The following TAAR5 variants were observed in gnomAD, a reference collection of about 807,000 sequenced individuals.
TAAR5 encodes the protein trace amine-associated receptor 5.
A neutral mutation model predicts 21.1 loss-of-function variants in TAAR5; 27 were observed. That is an observed-to-expected ratio of 1.28 (90% CI 0.94 to 1.76). The LOEUF is 1.76. Ranked by LOEUF, TAAR5 falls within the 40% of genes most tolerant of loss-of-function variation. TAAR5 has a pLI of 0.00. For synonymous variants in TAAR5, 203 were observed against 167.5 expected (o/e 1.21, Z -1.64); for missense variants, 495 against 405.6 (o/e 1.22, Z -1.89).
rs1582726574 is a variant in TAAR5 at position 132,589,609 on chromosome 6, C to T, written c.78G>A (p.Arg26=). 1 of 1,613,864 alleles carries T rather than the reference C, an allele frequency of 6.2e-7. No homozygotes were observed. The highest frequency in any genetic ancestry group is 8.5e-7 in the Non-Finnish European group (1 of 1,179,904). ...ACTGGATGCCCAGAGTATGTACTGT[C>T]CTGGGGCAAGACCCATTCACCTGGT... is the stretch of plus-strand genomic sequence containing the variant. ...FCYQVNGSCP[R]TVHTLGIQLV... The change falls in exon 1 of 1, where the codon AGG becomes AGA. Residue 26 remains arginine, a synonymous_variant. Coordinates refer to ENST00000258034, the MANE Select transcript of TAAR5 (RefSeq NM_003967.3).
chr6:132,589,247 G>T lies in TAAR5; in HGVS notation c.440C>A (p.Thr147Lys), dbSNP rs1173644623. 21 of 1,607,874 alleles carry T rather than the reference G, an allele frequency of 1.3e-5. No individual in the cohort carries two copies. Among genetic ancestry groups the T allele is most frequent in the Non-Finnish European group, 1.8e-5 (21 of 1,176,792 alleles). ...CDPLLYPSKF[T>K]VRVALRYILA... Reference sequence around the variant, plus strand: ...GATGTACCTGAGAGCCACCCTCACTGTGAACTTGGAGGGATAGAGCAGGGG... The same window carrying T: ...GATGTACCTGAGAGCCACCCTCACTTTGAACTTGGAGGGATAGAGCAGGGG... Residue 147 changes from threonine to lysine, a missense_variant, in exon 1 of 1, where the codon ACA becomes AAA. By Grantham distance (78) the Thr-to-Lys change is moderately conservative. Coordinates refer to ENST00000258034, the MANE Select transcript of TAAR5 (RefSeq NM_003967.3).
upstream of TAAR5, among the ~76,000 whole-genome samples, chr6:132,594,056 C>T (rs368002209): frequency 6.6e-6 from 1 of 152,168 alleles, no homozygotes; most frequent in African/African-American, 2.4e-5. Context: ...ACCAACTTTG[C>T]TTTTGCATCT....
the TAAR5 span, among the ~76,000 whole-genome samples, chr6:132,604,424 T>C: frequency 1.3e-5 from 2 of 152,164 alleles, no homozygotes; most frequent in African/African-American, 4.8e-5. Flanking sequence ...ATTACAGGCA[T>C]GCGTCACTGT....
upstream of TAAR5, among the ~76,000 whole-genome samples, chr6:132,593,243 C>T (rs1447510547): frequency 6.6e-6 from 1 of 152,122 alleles, no homozygotes; most frequent in Non-Finnish European, 1.5e-5. Context: ...CTCTCATGGC[C>T]TCTTGTGCCT....
At chr6:132,598,728 C>T in the TAAR5 span, among the ~76,000 whole-genome samples, 1 of 152,026 alleles carries the variant, frequency 6.6e-6, no homozygotes, top group Non-Finnish European at 1.5e-5. Flanking sequence ...AGTTAAGTCA[C>T]CAGAGAAATG....
At chr6:132,594,669 T>C (rs2114581553), upstream of TAAR5, 1 of 152,266 alleles carries the variant, frequency 6.6e-6, no homozygotes, top group South Asian at 2.1e-4. Context: ...GTGGCCTTGC[T>C]TTCTGTTTTA....
chr6:132,598,004 G>T, the TAAR5 span, among the ~76,000 whole-genome samples: 1 of 152,168 alleles, frequency 6.6e-6, no homozygotes, highest in African/African-American at 2.4e-5. Context: ...CATCAAATAA[G>T]AAGAGGGAAA....
At chr6:132,616,688 A>G in the TAAR5 span, among the ~76,000 whole-genome samples, 1 of 152,238 alleles carries the variant, frequency 6.6e-6, no homozygotes, top group Non-Finnish European at 1.5e-5. Flanking sequence ...TGTTATTTCC[A>G]TATTTACTTA....
At chr6:132,604,284 A>G in the TAAR5 span, among the ~76,000 whole-genome samples, 28 of 151,636 alleles carry the variant, frequency 1.8e-4, no homozygotes, top group African/African-American at 6.3e-4. Context: ...GCTGGACTAC[A>G]TGAGCGTGCC....
At chr6:132,609,958 C>G in the TAAR5 span, among the ~76,000 whole-genome samples, 1 of 147,924 alleles carries the variant, frequency 6.8e-6, no homozygotes, top group Admixed American at 6.7e-5. Flanking sequence ...CTCTGCCTCT[C>G]CTGTCCTCTA....
chr6:132,598,655 A>G, the TAAR5 span, among the ~76,000 whole-genome samples: 1 of 152,148 alleles, frequency 6.6e-6, no homozygotes, highest in Non-Finnish European at 1.5e-5. Context: ...GCAGTGTCCT[A>G]TGTCCTGCTT....
chr6:132,589,266 G>C lies in TAAR5; in HGVS notation c.421C>G (p.Leu141Val), dbSNP rs377116395. ...CTCACTGTGAACTTGGAGGGATAGA[G>C]CAGGGGGTCACAGATGGCACAGTGG... is the stretch of plus-strand genomic sequence containing the variant. ...DRHCAICDPLLYPSKFTVRVA... is the reference protein window; with the variant it reads ...DRHCAICDPLVYPSKFTVRVA... Residue 141 changes from leucine (L) to valine (V), a missense_variant, in exon 1 of 1, where the codon CTC (leucine) becomes GTC (valine). Physicochemically the swap from Leu to Val is conservative, Grantham distance 32 (BLOSUM62 1). Coordinates refer to ENST00000258034, the MANE Select transcript of TAAR5 (RefSeq NM_003967.3). 6.2e-7 allele frequency: 1 copy of C among 1,610,384 alleles called. No homozygotes were observed. The highest frequency in any genetic ancestry group is 8.5e-7 in the Non-Finnish European group (1 of 1,178,084).
chr6:132,602,779 CAAAA>C, the TAAR5 span, among the ~76,000 whole-genome samples: 2 of 95,936 alleles, frequency 2.1e-5, no homozygotes. Flanking sequence ...CTTTAGAAGT[CAAAA>C]AAAAAAAAAA....
At chr6:132,607,834 C>A in the TAAR5 span, among the ~76,000 whole-genome samples, 1 of 152,068 alleles carries the variant, frequency 6.6e-6, no homozygotes, top group Non-Finnish European at 1.5e-5. Context: ...CTTCATGGAC[C>A]CACAGGTCGC....
At chr6:132,592,207 G>A (rs142463151), upstream of TAAR5, among the ~76,000 whole-genome samples, 527 of 152,256 alleles carry the variant, frequency 3.5e-3, 1 homozygote, top group African/African-American at 0.01. Flanking sequence ...AAATCTCCCC[G>A]CTGCATCATG....
At chr6:132,611,216 GA>G in the TAAR5 span, among the ~76,000 whole-genome samples, 22,821 of 142,788 alleles carry the variant, frequency 0.16, 1,965 homozygotes, top group African/African-American at 0.23. Flanking sequence ...CTAAAAAAAA[GA>G]AAAAAAAAAA....
the TAAR5 span, among the ~76,000 whole-genome samples, chr6:132,603,890 A>G: frequency 6.6e-6 from 1 of 152,102 alleles, no homozygotes; most frequent in South Asian, 2.1e-4. Context: ...AAGGGAATTC[A>G]ATTCACTGGT....
chr6:132,609,604 T>C, the TAAR5 span, among the ~76,000 whole-genome samples: 7 of 152,254 alleles, frequency 4.6e-5, no homozygotes, highest in South Asian at 1.0e-3. Flanking sequence ...GGTAAGGAAA[T>C]GGGAGATTTT....
the TAAR5 span, among the ~76,000 whole-genome samples, chr6:132,610,352 C>A: frequency 6.6e-6 from 1 of 152,118 alleles, no homozygotes; most frequent in Non-Finnish European, 1.5e-5. Flanking sequence ...ACAGAGGAGA[C>A]ACCCTAGGCC....
Sources: gnomAD v4.1 joint callset for allele counts (sites outside exome capture counted in the v4.1 genomes callset) on GRCh38, gnomAD v4.1.1 for gene constraint, MANE v1.5 for transcripts, NCBI Gene and HGNC (gene_info 2026-07-23, HGNC 2026-07-21) for gene names.